Variants in ALG9 observed in about 807,000 individuals in gnomAD.
The protein encoded by ALG9 is alpha-1,2-mannosyltransferase ALG9.
Under a neutral mutation model 81.8 loss-of-function variants are expected in ALG9, and 55 were observed. The ratio of observed to expected loss-of-function variants is 0.67; its 90% CI spans 0.54 to 0.84. The LOEUF is 0.84. Among genes scored for constraint, ALG9 ranks in the 40% least tolerant of loss-of-function variants. The pLI is 0.00. For missense variants in ALG9, 629 were observed against 745.0 expected (o/e 0.84, Z 1.81); for synonymous variants, 278 against 274.3 (o/e 1.01, Z -0.13).
rs1555089433 is a variant in ALG9, at chr11:111,809,784, G to A, written c.1603-11C>T. 3 of 1,613,810 alleles carry A rather than the reference G, an allele frequency of 1.9e-6. No individual in the cohort carries two copies. The highest frequency in any genetic ancestry group is 2.5e-6 in the Non-Finnish European group (3 of 1,179,780). On this transcript the variant is annotated splice_polypyrimidine_tract_variant and intron_variant, in intron 13 of 14. Coordinates refer to ENST00000616540, the MANE Select transcript of ALG9 (RefSeq NM_024740.2). ...TTTACTGATATCAATCTGAAATGGA[G>A]AAAGGCCAACTCTTCATTAGTAATT...
chr11:111,773,705 G>A, the ALG9 span, among the ~76,000 whole-genome samples: 2 of 151,282 alleles, frequency 1.3e-5, no homozygotes, highest in African/African-American at 2.4e-5. Context: ...ATGGTGTTAA[G>A]TGAAAAAGCA....
At chr11:111,840,555 A>G in intron 10 of ALG9, 100 bp downstream of exon 10, 1 of 1,384,290 alleles carries the variant, frequency 7.2e-7, no homozygotes, top group South Asian at 1.2e-5. Context: ...TGGATAAAAT[A>G]TCTTAGGTGG....
chr11:111,796,634 C>T (rs781786568), intron 14 of ALG9, among the ~76,000 whole-genome samples: 5 of 151,968 alleles, frequency 3.3e-5, no homozygotes, highest in East Asian at 1.9e-4. Flanking sequence ...CTCTGCCAGA[C>T]GAAGGGTCTC....
At chr11:111,778,100 G>T (rs1382524955), downstream of ALG9, 2 of 152,124 alleles carry the variant, frequency 1.3e-5, no homozygotes, top group Non-Finnish European at 2.9e-5. Flanking sequence ...AGTGCGTTGA[G>T]TAGAAGGGCT....
At chr11:111,870,955 G>A in intron 1 of ALG9, 1 of 1,014,274 alleles carries the variant, frequency 9.9e-7, no homozygotes, top group South Asian at 4.5e-5. Context: ...AGCCTCCAGG[G>A]TTTGGGAAGA....
intron 13 of ALG9, among the ~76,000 whole-genome samples, chr11:111,824,818 T>A (rs1555106881): frequency 6.6e-6 from 1 of 152,250 alleles, no homozygotes; most frequent in African/African-American, 2.4e-5. Context: ...AATATTTGCA[T>A]CAACCTATGA....
chr11:111,866,047 C>T (rs954963993), intron 3 of ALG9, among the ~76,000 whole-genome samples: 1 of 152,168 alleles, frequency 6.6e-6, no homozygotes, highest in Non-Finnish European at 1.5e-5. Flanking sequence ...GTAATTCCAA[C>T]ACTTTGGGAG....
chr11:111,863,618 C>T (rs1397944545), intron 4 of ALG9, among the ~76,000 whole-genome samples: 1 of 152,060 alleles, frequency 6.6e-6, no homozygotes, highest in Non-Finnish European at 1.5e-5. Flanking sequence ...AAATATATTA[C>T]TAAAGCATTA....
At chr11:111,832,220 T>C (rs1954491431) in intron 13 of ALG9, among the ~76,000 whole-genome samples, 1 of 152,372 alleles carries the variant, frequency 6.6e-6, no homozygotes. Context: ...TTGTAGTATT[T>C]ATGCACTTTT....
At chr11:111,848,525 G>A (rs1188284057) in intron 8 of ALG9, among the ~76,000 whole-genome samples, 2 of 151,064 alleles carry the variant, frequency 1.3e-5, no homozygotes, top group African/African-American at 2.4e-5. Context: ...AGGAGGCAGA[G>A]GTTGCGGGGA....
chr11:111,837,005 G>A (rs1450480461), intron 12 of ALG9, among the ~76,000 whole-genome samples: 2 of 152,206 alleles, frequency 1.3e-5, no homozygotes, highest in African/African-American at 4.8e-5. Context: ...AAGCATAAAG[G>A]AAACTGGTAT....
intron 14 of ALG9, among the ~76,000 whole-genome samples, chr11:111,808,188 C>A (rs974037140): frequency 4.6e-5 from 7 of 152,188 alleles, no homozygotes; most frequent in African/African-American, 1.7e-4. Context: ...AAAAGACTTA[C>A]AAGATGAGAG....
intron 14 of ALG9, among the ~76,000 whole-genome samples, chr11:111,798,903 G>T (rs149978915): frequency 2.6e-5 from 4 of 152,308 alleles, no homozygotes; most frequent in Non-Finnish European, 5.9e-5. Flanking sequence ...ATTAGGAAAA[G>T]AAGTGAACGA....
At chr11:111,788,455 A>G (rs782671388) in intron 14 of ALG9, 1 of 454,104 alleles carries the variant, frequency 2.2e-6, no homozygotes, top group South Asian at 1.6e-5. Flanking sequence ...GTCAAGGAGA[A>G]GTTAATGGCC....
intron 14 of ALG9, 86 bp downstream of exon 14, chr11:111,809,557 A>T: frequency 6.6e-7 from 1 of 1,526,008 alleles, no homozygotes; most frequent in Non-Finnish European, 9.1e-7. Flanking sequence ...ACTAGAGTCA[A>T]CCCAGGACTG....
chr11:111,837,536 G>A lies in ALG9; in HGVS notation c.1404C>T (p.Gly468=), dbSNP rs782424580. 5 of 1,614,108 alleles carry A rather than the reference G, an allele frequency of 3.1e-6. No homozygotes were observed. The highest frequency in any genetic ancestry group is 2.2e-5 in the South Asian group (2 of 91,080). The change falls in exon 12 of 15, where the codon GGC becomes GGT. Residue 468 remains glycine, a synonymous_variant. Transcript: ENST00000616540. The part of the protein sequence containing the change: ...TDPTIHTVPE[G]RPVNVCVGKE... Reference sequence around the variant, plus strand: ...TTCCCACACAGACATTCACAGGTCTGCCTTCTGGGACAGTGTGGATGGTTG... The same window carrying A: ...TTCCCACACAGACATTCACAGGTCTACCTTCTGGGACAGTGTGGATGGTTG...
At chr11:111,809,538 A>C (rs1950400554) in intron 14 of ALG9, 105 bp downstream of exon 14, 1 of 1,368,824 alleles carries the variant, frequency 7.3e-7, no homozygotes, top group Admixed American at 1.7e-5. Context: ...ACACACACAC[A>C]CGATGGCTAC....
intron 8 of ALG9, among the ~76,000 whole-genome samples, chr11:111,850,480 C>A (rs965232081): frequency 1.3e-5 from 2 of 151,744 alleles, no homozygotes; most frequent in African/African-American, 4.8e-5. Context: ...CTGAGGCAGG[C>A]AGATCATTTG....
chr11:111,865,128 T>A, intron 4 of ALG9, 53 bp downstream of exon 4: 1 of 1,331,282 alleles, frequency 7.5e-7, no homozygotes, highest in South Asian at 1.4e-5. Flanking sequence ...AGATAATCTA[T>A]GCAATAATGG....
Sources: allele counts gnomAD v4.1 joint callset (sites outside exome capture counted in the v4.1 genomes callset), GRCh38; gene constraint gnomAD v4.1.1; transcripts MANE v1.5; gene names NCBI Gene and HGNC (gene_info 2026-07-23, HGNC 2026-07-21).